Variants in CPAMD8 observed in about 807,000 individuals in gnomAD.
CPAMD8 encodes C3 and PZP like alpha-2-macroglobulin domain containing 8.
CPAMD8 carries 146 observed loss-of-function variants against 224.7 expected under a neutral mutation model. The observed-to-expected ratio is 0.65, with a 90% confidence interval of 0.57 to 0.75. CPAMD8 has a LOEUF of 0.75. Ranked by LOEUF, CPAMD8 falls within the 30% of genes least tolerant of loss-of-function variation. CPAMD8 has a pLI of 0.00. For missense variants in CPAMD8, 2,301 were observed against 2,537.5 expected, an observed-to-expected ratio of 0.91 and a Z score of 2.00; for synonymous variants, 966 against 1,044.6, an observed-to-expected ratio of 0.92 and a Z score of 1.45.
At position 16,952,027 on chromosome 19, in the gene CPAMD8, C is replaced by G. The variant is rs754265681; in HGVS notation, c.2450G>C (p.Arg817Pro). 6.3e-7 allele frequency: 1 copy of G among 1,585,440 alleles called. No individual in the cohort carries two copies. Among genetic ancestry groups the G allele is most frequent in the Non-Finnish European group, 8.6e-7 (1 of 1,164,460 alleles). Residue 817 changes from arginine (R) to proline (P), a missense_variant, in exon 20 of 42, where the codon CGT (arginine) becomes CCT (proline). Arg to Pro is a moderately radical substitution (Grantham distance 103). Coordinates refer to ENST00000443236, the MANE Select transcript of CPAMD8 (RefSeq NM_015692.5). ...GAGCGGGATCTTGACCTGCTCCCCA[C>G]GGATGATGAGAGCGGGGAGCATGAA... ...VDFMLPALII[R>P]GEQVKIPLSV...
chr19:17,021,964 A>G, intron 2 of CPAMD8, 66 bp downstream of exon 2: 1 of 1,481,138 alleles, frequency 6.8e-7, no homozygotes, highest in Non-Finnish European at 9.0e-7. Flanking sequence ...CCAGCCCTGA[A>G]GGCCAGCAAG....
intron 3 of CPAMD8, among the ~76,000 whole-genome samples, chr19:17,012,618 G>A (rs1288391409): frequency 3.3e-5 from 5 of 152,290 alleles, no homozygotes; most frequent in South Asian, 4.1e-4. Context: ...GATTACAGAC[G>A]TGAGCCACTG....
intron 17 of CPAMD8, 122 bp downstream of exon 17, chr19:16,974,975 G>GA (rs1423126263): frequency 2.0e-5 from 27 of 1,340,184 alleles, no homozygotes; most frequent in South Asian, 3.1e-5. Flanking sequence ...ACCCCATCTC[G>GA]AAAAAAAGAA....
chr19:16,960,010 G>A (rs2054599432), intron 18 of CPAMD8, among the ~76,000 whole-genome samples: 1 of 152,068 alleles, frequency 6.6e-6, no homozygotes, highest in African/African-American at 2.4e-5. Flanking sequence ...AGGGATAAAG[G>A]CCTGCAGGGG....
intron 1 of CPAMD8, among the ~76,000 whole-genome samples, chr19:17,025,842 T>G (rs2057067740): frequency 6.6e-6 from 1 of 152,150 alleles, no homozygotes. Flanking sequence ...AAGGACCAAC[T>G]ACTCACTGCA....
intron 13 of CPAMD8, among the ~76,000 whole-genome samples, chr19:16,987,166 AAAAAAAAAAAAAAATATATATATATAT>A (rs1347909556): frequency 9.6e-6 from 1 of 104,090 alleles, no homozygotes; most frequent in African/African-American, 4.1e-5. Context: ...AAAAAAAAAA[AAAAAAAAAAAAAAATATATATATATAT>A]ATATATATAT....
intron 12 of CPAMD8, among the ~76,000 whole-genome samples, chr19:16,990,863 C>CA (rs3067791): frequency 0.06 from 4,352 of 72,918 alleles, 296 homozygotes; most frequent in Middle Eastern, 0.085. Context: ...AACTCTGTCT[C>CA]AAAAAAAAAA....
intron 29 of CPAMD8, chr19:16,910,651 C>T (rs1256612472): frequency 6.6e-6 from 1 of 152,198 alleles, no homozygotes; most frequent in Non-Finnish European, 1.5e-5. Flanking sequence ...AAGAGGTCAC[C>T]ATATTGATGC....
intron 27 of CPAMD8, among the ~76,000 whole-genome samples, chr19:16,919,854 C>A (rs532747132): frequency 6.6e-6 from 1 of 152,178 alleles, no homozygotes; most frequent in Non-Finnish European, 1.5e-5. Context: ...GATCTTGGAG[C>A]CTTATGGTAA....
intron 30 of CPAMD8, among the ~76,000 whole-genome samples, chr19:16,905,960 G>A (rs1368577613): frequency 6.6e-6 from 1 of 152,102 alleles, no homozygotes; most frequent in East Asian, 1.9e-4. Flanking sequence ...CAAGTGGAGG[G>A]AAGGGTGGAA....
intron 23 of CPAMD8, among the ~76,000 whole-genome samples, chr19:16,930,221 C>T (rs2053504947): frequency 6.6e-6 from 1 of 151,132 alleles, no homozygotes; most frequent in Non-Finnish European, 1.5e-5. Context: ...TGCCACTGCA[C>T]TCCAGCATCG....
rs1291046296 is a variant in CPAMD8 at position 16,999,591 on chromosome 19, A to AG, written c.867+822_867+823insC. ...CAGAGCAAGACTCCATCTCCAAAAA[A>AG]AAAAAAAAAGAAAAGAAAACCATCA... is the stretch of plus-strand genomic sequence containing the variant. On this transcript the variant is annotated intron_variant, in intron 10 of 41. Coordinates refer to ENST00000443236, the MANE Select transcript of CPAMD8 (RefSeq NM_015692.5). Among the ~76,000 whole-genome samples the AG allele has an allele frequency of 1.9e-3, 282 of 145,064 alleles. 2 individuals are homozygous for AG. The highest frequency in any genetic ancestry group is 7.3e-3 in the African/African-American group (275 of 37,620).
chr19:16,987,940 A>G (rs1350793880), intron 13 of CPAMD8, among the ~76,000 whole-genome samples: 1 of 152,186 alleles, frequency 6.6e-6, no homozygotes, highest in Admixed American at 6.6e-5. Flanking sequence ...CCAAGGTTAC[A>G]GGTGTGAGCC....
chr19:16,894,587 T>C, intron 41 of CPAMD8: 1 of 422,108 alleles, frequency 2.4e-6, no homozygotes, highest in African/African-American at 2.0e-5. Flanking sequence ...GGGGGACACA[T>C]GGCCCAGGCC....
intron 14 of CPAMD8, 97 bp downstream of exon 14, chr19:16,980,400 G>T: frequency 2.6e-6 from 3 of 1,164,038 alleles, no homozygotes; most frequent in Non-Finnish European, 3.7e-6. Context: ...TCCCCTCTCT[G>T]CTGGGTCTTG....
At chr19:16,954,003 A>G (rs1052169116) in intron 19 of CPAMD8, among the ~76,000 whole-genome samples, 2 of 151,698 alleles carry the variant, frequency 1.3e-5, no homozygotes, top group Admixed American at 1.3e-4. Flanking sequence ...GCTCACACCT[A>G]TAATCCCAGC....
In CPAMD8 at chr19:16,993,419, C is replaced by T; in HGVS notation, c.1263G>A (p.Leu421=). Reference sequence around the variant, plus strand: ...AGGGTCCACGGGACTCACCCACCTCCAGCCACACGTGCTGGGCTGACGTGG... The same window carrying T: ...AGGGTCCACGGGACTCACCCACCTCTAGCCACACGTGCTGGGCTGACGTGG... The part of the protein sequence containing the change: ...SIPTSAQHVW[L]ETKVMALNGK... The change falls in exon 12 of 42, where the codon CTG becomes CTA. Residue 421 remains leucine, a synonymous_variant. Transcript: ENST00000443236. The T allele has an allele frequency of 6.2e-7, 1 of 1,612,386 alleles. No homozygotes were observed.
At chr19:17,014,599 G>A (rs144787859) in intron 3 of CPAMD8, among the ~76,000 whole-genome samples, 26 of 152,274 alleles carry the variant, frequency 1.7e-4, no homozygotes, top group African/African-American at 5.5e-4. Flanking sequence ...TGAAAGGCAC[G>A]TCTTACATGG....
chr19:16,894,719 C>T (rs929636681), intron 41 of CPAMD8: 1 of 328,318 alleles, frequency 3.0e-6, no homozygotes, highest in South Asian at 2.4e-5. Context: ...CGAAAAGCTA[C>T]CCATAGCACA....
Sources: allele counts gnomAD v4.1 joint callset (sites outside exome capture counted in the v4.1 genomes callset), GRCh38; gene constraint gnomAD v4.1.1; transcripts MANE v1.5; gene names NCBI Gene and HGNC (gene_info 2026-07-23, HGNC 2026-07-21).